Variants in CEP112 observed in about 807,000 individuals in gnomAD.
The protein encoded by CEP112 is centrosomal protein 112.
Under a neutral mutation model 153.0 loss-of-function variants are expected in CEP112, and 127 were observed. The observed-to-expected ratio is 0.83, with a 90% CI of 0.72 to 0.96. The LOEUF (loss-of-function observed/expected upper bound fraction) is 0.96. Among genes scored for constraint, CEP112 ranks in the 40% least tolerant of loss-of-function variants. The pLI is 0.00. For synonymous variants in CEP112, 358 were observed against 374.4 expected (o/e 0.96, Z 0.51); for missense variants, 1,089 against 1,101.2 (o/e 0.99, Z 0.16).
At chr17:66,032,221 G>T (rs903564516) in intron 12 of CEP112, among the ~76,000 whole-genome samples, 1 of 151,934 alleles carries the variant, frequency 6.6e-6, no homozygotes, top group East Asian at 1.9e-4. Context: ...GGCTGGTCTT[G>T]ACCTCCTGAC....
intron 19 of CEP112, among the ~76,000 whole-genome samples, chr17:65,904,480 A>G (rs2059996079): frequency 6.6e-6 from 1 of 152,266 alleles, no homozygotes. Flanking sequence ...AAAACATTCC[A>G]TGCTCATGGA....
chr17:66,162,245 T>C (rs1300437899), intron 4 of CEP112, among the ~76,000 whole-genome samples: 1 of 152,164 alleles, frequency 6.6e-6, no homozygotes, highest in African/African-American at 2.4e-5. Flanking sequence ...CTTGATATCA[T>C]TAGTCATGAA....
At chr17:66,102,529 G>A (rs908658819) in intron 6 of CEP112, among the ~76,000 whole-genome samples, 1 of 152,074 alleles carries the variant, frequency 6.6e-6, no homozygotes, top group Non-Finnish European at 1.5e-5. Context: ...CAGGCATGGT[G>A]GCTCACGCCT....
At chr17:65,694,926 T>C (rs2048285722) in intron 23 of CEP112, among the ~76,000 whole-genome samples, 1 of 152,200 alleles carries the variant, frequency 6.6e-6, no homozygotes, top group Non-Finnish European at 1.5e-5. Context: ...GTCAAAAATA[T>C]GAAACAAAAC....
At chr17:65,828,155 C>T (rs2056920671) in intron 21 of CEP112, among the ~76,000 whole-genome samples, 1 of 152,188 alleles carries the variant, frequency 6.6e-6, no homozygotes, top group South Asian at 2.1e-4. Context: ...AAAAATTAAG[C>T]ACAAAATGCT....
intron 12 of CEP112, among the ~76,000 whole-genome samples, chr17:66,048,894 C>T (rs1023143845): frequency 6.6e-6 from 1 of 152,146 alleles, no homozygotes; most frequent in Non-Finnish European, 1.5e-5. Flanking sequence ...CAGGGGAGAG[C>T]CACCACGCCA....
At chr17:65,901,393 C>T (rs186178903) in intron 20 of CEP112, among the ~76,000 whole-genome samples, 3 of 152,224 alleles carry the variant, frequency 2.0e-5, no homozygotes, top group Non-Finnish European at 2.9e-5. Flanking sequence ...ACACTAAAGG[C>T]CCTTGATTAT....
At chr17:65,966,301 T>C (rs1295067742) in intron 17 of CEP112, among the ~76,000 whole-genome samples, 1 of 152,220 alleles carries the variant, frequency 6.6e-6, no homozygotes, top group Non-Finnish European at 1.5e-5. Context: ...GGCAATAAAA[T>C]GTAGGGAACT....
intron 20 of CEP112, among the ~76,000 whole-genome samples, chr17:65,869,380 C>T (rs933947147): frequency 2.6e-5 from 4 of 152,020 alleles, no homozygotes; most frequent in African/African-American, 9.7e-5. Context: ...TCTTGTGGTT[C>T]GGTGAAAATA....
chr17:65,924,960 G>C (rs1426292755), intron 19 of CEP112, among the ~76,000 whole-genome samples: 2 of 151,900 alleles, frequency 1.3e-5, no homozygotes, highest in Non-Finnish European at 2.9e-5. Flanking sequence ...TCCCCTCCCA[G>C]CCCCTCCATC....
intron 21 of CEP112, among the ~76,000 whole-genome samples, chr17:65,819,826 A>G (rs1044290493): frequency 6.6e-6 from 1 of 152,062 alleles, no homozygotes; most frequent in Non-Finnish European, 1.5e-5. Flanking sequence ...GGTGTCATAG[A>G]TTGAAGGAGA....
At chr17:65,820,618 C>T (rs1048309865) in intron 21 of CEP112, among the ~76,000 whole-genome samples, 9 of 152,008 alleles carry the variant, frequency 5.9e-5, no homozygotes, top group South Asian at 2.1e-4. Context: ...ATGGGCCATT[C>T]GCTATAATCT....
chr17:66,051,271 C>CTTTT (rs895938073), intron 12 of CEP112, among the ~76,000 whole-genome samples: 6 of 151,462 alleles, frequency 4.0e-5, no homozygotes, highest in African/African-American at 1.5e-4. Flanking sequence ...CTGAGTCCTT[C>CTTTT]TTTTTCGTTT....
intron 4 of CEP112, among the ~76,000 whole-genome samples, chr17:66,161,698 G>A (rs914874461): frequency 6.6e-6 from 1 of 152,086 alleles, no homozygotes; most frequent in Non-Finnish European, 1.5e-5. Context: ...TGGGGGCTAG[G>A]GGAGGGATAG....
At chr17:65,889,194 C>T (rs2059384140) in intron 20 of CEP112, among the ~76,000 whole-genome samples, 1 of 152,122 alleles carries the variant, frequency 6.6e-6, no homozygotes, top group Non-Finnish European at 1.5e-5. Flanking sequence ...CTGTGTCTGT[C>T]AGTAATGGCC....
At chr17:65,880,954 T>G (rs550728926) in intron 20 of CEP112, among the ~76,000 whole-genome samples, 2 of 152,142 alleles carry the variant, frequency 1.3e-5, no homozygotes, top group South Asian at 4.1e-4. Flanking sequence ...TGGTGGCTCA[T>G]ACCTGTAATC....
At chr17:66,105,134 A>G (rs1261866338) in intron 6 of CEP112, among the ~76,000 whole-genome samples, 1 of 152,232 alleles carries the variant, frequency 6.6e-6, no homozygotes, top group African/African-American at 2.4e-5. Context: ...AAAGTTAAAA[A>G]GTGGGGGGAT....
chr17:65,915,044 C>T (rs1432732786), intron 19 of CEP112, among the ~76,000 whole-genome samples: 4 of 152,184 alleles, frequency 2.6e-5, no homozygotes, highest in African/African-American at 7.2e-5. Flanking sequence ...ACACTGCACA[C>T]GGCTTATGGG....
intron 17 of CEP112, among the ~76,000 whole-genome samples, chr17:66,004,578 T>C (rs1435641181): frequency 6.6e-6 from 1 of 152,198 alleles, no homozygotes; most frequent in Non-Finnish European, 1.5e-5. Flanking sequence ...CCTGATTTCA[T>C]CTAATTCATA....
Sources: allele counts gnomAD v4.1 joint callset (sites outside exome capture counted in the v4.1 genomes callset), GRCh38; gene constraint gnomAD v4.1.1; transcripts MANE v1.5; gene names NCBI Gene and HGNC (gene_info 2026-07-23, HGNC 2026-07-21).